TBC1D12: variants seen among roughly 807,000 people sequenced by gnomAD.
TBC1D12 encodes TBC1 domain family, member 12.
In TBC1D12, 56 loss-of-function variants were observed where a neutral mutation model predicts 86.7. The observed-to-expected ratio is 0.65, with a 90% confidence interval of 0.52 to 0.81. TBC1D12 has a LOEUF of 0.81. Ranked by LOEUF, TBC1D12 falls within the 30% of genes least tolerant of loss-of-function variation. The pLI, the probability that TBC1D12 is intolerant of heterozygous loss-of-function variation, is 0.00. For missense variants in TBC1D12, 1,023 were observed against 1,038.8 expected (o/e 0.98, Z 0.21); for synonymous variants, 421 against 411.7 (o/e 1.02, Z -0.27).
chr10:94,491,880 C>T (rs77453408), intron 3 of TBC1D12, among the ~76,000 whole-genome samples: 50 of 109,202 alleles, frequency 4.6e-4, no homozygotes, highest in African/African-American at 1.4e-3. Flanking sequence ...AAAGTTCCTC[C>T]TTTAAGCAAA....
intron 2 of TBC1D12, among the ~76,000 whole-genome samples, chr10:94,462,837 A>G (rs1242365955): frequency 1.3e-5 from 2 of 151,936 alleles, no homozygotes; most frequent in East Asian, 3.9e-4. Context: ...TATCAATTTT[A>G]TTATGTTTTA....
chr10:94,418,555 C>CTATTATTATTATTAT (rs147676016), intron 1 of TBC1D12, among the ~76,000 whole-genome samples: 26 of 149,602 alleles, frequency 1.7e-4, no homozygotes, highest in African/African-American at 5.6e-4. Flanking sequence ...ATACTTTGGT[C>CTATTATTATTATTAT]TATTATTATT....
intron 1 of TBC1D12, among the ~76,000 whole-genome samples, chr10:94,407,648 C>T (rs2054874384): frequency 6.7e-6 from 1 of 150,244 alleles, no homozygotes; most frequent in African/African-American, 2.5e-5. Flanking sequence ...TGGCACTGCA[C>T]TCCAGCCTGG....
At chr10:94,438,979 T>C (rs931669681) in intron 1 of TBC1D12, among the ~76,000 whole-genome samples, 5 of 152,002 alleles carry the variant, frequency 3.3e-5, no homozygotes, top group Admixed American at 3.3e-4. Context: ...AATTTTTGTA[T>C]TTTTAGTGGA....
intron 11 of TBC1D12, among the ~76,000 whole-genome samples, chr10:94,528,927 G>A (rs925910935): frequency 6.6e-6 from 1 of 151,784 alleles, no homozygotes; most frequent in African/African-American, 2.4e-5. Flanking sequence ...TGGGTTTCAC[G>A]TAAATGGTAT....
intron 1 of TBC1D12, among the ~76,000 whole-genome samples, chr10:94,405,014 T>A (rs2054833036): frequency 6.7e-6 from 1 of 148,990 alleles, no homozygotes; most frequent in South Asian, 2.1e-4. Context: ...GCCATTGCAC[T>A]GAAACCTGGG....
In TBC1D12 at chr10:94,493,381, T is replaced by C. The variant is rs373622822; in HGVS notation, c.1228T>C (p.Ser410Pro). Residue 410 changes from serine to proline, a missense_variant, in exon 4 of 13, where the codon TCT becomes CCT. This residue lies in a region of TBC1D12 where 395 missense variants were observed against 507.7 expected (regional missense o/e 0.78). Coordinates refer to ENST00000225235, the MANE Select transcript of TBC1D12 (RefSeq NM_015188.2). ...EDRPSNLPAK[S>P]VEEALRHRQE... ...TTTTTCCAGAAATCTTCCTGCCAAA[T>C]CTGTGGAAGAAGCTTTACGTCACCG... 8.7e-6 allele frequency: 14 copies of C among 1,611,128 alleles called. No individual in the cohort carries two copies. In the African/African-American group the frequency reaches 1.5e-4, roughly 17 times the overall value.
chr10:94,423,509 G>A (rs550237561), intron 1 of TBC1D12, among the ~76,000 whole-genome samples: 3 of 151,966 alleles, frequency 2.0e-5, no homozygotes, highest in Non-Finnish European at 2.9e-5. Flanking sequence ...TACCACGCCC[G>A]GCTAATTTTT....
chr10:94,461,889 A>G (rs1165141175), intron 2 of TBC1D12, among the ~76,000 whole-genome samples: 1 of 152,166 alleles, frequency 6.6e-6, no homozygotes, highest in Non-Finnish European at 1.5e-5. Context: ...TTTACTTGTT[A>G]GGATGCAGTG....
At chr10:94,416,183 C>T (rs2054995415) in intron 1 of TBC1D12, among the ~76,000 whole-genome samples, 1 of 152,196 alleles carries the variant, frequency 6.6e-6, no homozygotes, top group Admixed American at 6.5e-5. Context: ...TTCTATCATG[C>T]ATATCATCAG....
intron 2 of TBC1D12, among the ~76,000 whole-genome samples, chr10:94,453,274 A>G (rs888424927): frequency 1.3e-5 from 2 of 152,204 alleles, no homozygotes; most frequent in African/African-American, 4.8e-5. Context: ...CTGATCAATT[A>G]TAGTAGTCTC....
chr10:94,509,977 G>T, intron 7 of TBC1D12, 114 bp from the exon 8 acceptor site: 2 of 705,282 alleles, frequency 2.8e-6, no homozygotes, highest in Non-Finnish European at 4.8e-6. Flanking sequence ...ATAATTTCTT[G>T]ATTATTCAGC....
intron 12 of TBC1D12, 96 bp downstream of exon 12, chr10:94,531,556 A>C: frequency 7.8e-7 from 1 of 1,284,986 alleles, no homozygotes; most frequent in South Asian, 2.4e-5. Flanking sequence ...ACTTAAAAAT[A>C]TGTCTTTTAA....
intron 9 of TBC1D12, among the ~76,000 whole-genome samples, chr10:94,512,254 T>C (rs1298248812): frequency 1.3e-5 from 2 of 151,758 alleles, no homozygotes; most frequent in Admixed American, 1.3e-4. Flanking sequence ...TACTGTATAA[T>C]TTTTCATTCT....
At position 94,522,334 on chromosome 10, in the gene TBC1D12, T is replaced by G; in HGVS notation, c.1891-10T>G. The G allele has an allele frequency of 7.6e-7, 1 of 1,315,150 alleles. No individual in the cohort carries two copies. The allele number at this position is 1,315,150 out of a possible 1,614,324, so 81.5% of individuals were successfully genotyped here. ...TACTTTCATAATTTTATTGATTTTT[T>G]AATCTTTAGATGTTGAAATATTTTG... On this transcript the variant is annotated splice_polypyrimidine_tract_variant and intron_variant, in intron 10 of 12. Transcript: ENST00000225235.
At chr10:94,439,232 C>T (rs573089077) in intron 1 of TBC1D12, among the ~76,000 whole-genome samples, 1 of 152,270 alleles carries the variant, frequency 6.6e-6, no homozygotes, top group East Asian at 1.9e-4. Flanking sequence ...AAGCCCAGTT[C>T]ATCAACTTTT....
chr10:94,414,958 T>C (rs2054979991), intron 1 of TBC1D12, among the ~76,000 whole-genome samples: 2 of 152,222 alleles, frequency 1.3e-5, no homozygotes, highest in Non-Finnish European at 2.9e-5. Context: ...GTTAGTATGA[T>C]AGTTTCAGGT....
chr10:94,402,883 C>T lies in TBC1D12; in HGVS notation c.270C>T (p.Leu90=), dbSNP rs1335126619. The T allele has an allele frequency of 6.7e-7, 1 of 1,495,728 alleles. No individual in the cohort carries two copies. The highest frequency in any genetic ancestry group is 2.7e-5 in the East Asian group (1 of 37,630). The allele number at this position is 1,495,728 out of a possible 1,614,324, so 92.7% of individuals were successfully genotyped here. ...QLEPGLCYCP[L]PAGQAGAPPP... is the part of the protein sequence containing the mutation. Reference sequence around the variant, plus strand: ...AGCCGGGGCTCTGCTACTGTCCGCTCCCCGCTGGCCAGGCCGGCGCCCCGC... The same window carrying T: ...AGCCGGGGCTCTGCTACTGTCCGCTTCCCGCTGGCCAGGCCGGCGCCCCGC... Residue 90 remains leucine, a synonymous_variant, in exon 1 of 13, where the codon CTC becomes CTT. Transcript: ENST00000225235.
intron 3 of TBC1D12, 102 bp downstream of exon 3, chr10:94,474,885 A>T (rs2055965662): frequency 9.3e-7 from 1 of 1,079,736 alleles, no homozygotes; most frequent in African/African-American, 1.6e-5. Flanking sequence ...TTGAGAAAGG[A>T]TTTAATTTTT....
Sources: gnomAD v4.1 joint callset for allele counts (sites outside exome capture counted in the v4.1 genomes callset) on GRCh38, gnomAD v4.1.1 for gene constraint, gnomAD v4.1.1 regional missense constraint, MANE v1.5 for transcripts, NCBI Gene and HGNC (gene_info 2026-07-23, HGNC 2026-07-21) for gene names.